The following TTC33 variants were observed in gnomAD, a reference collection of about 807,000 sequenced individuals.
TTC33 encodes the protein tetratricopeptide repeat protein 33.
A neutral mutation model predicts 29.4 loss-of-function variants in TTC33; 24 were observed. The ratio of observed to expected loss-of-function variants is 0.82; its 90% CI spans 0.59 to 1.15. The LOEUF (loss-of-function observed/expected upper bound fraction) is 1.15, where lower values mean the gene tolerates loss of function less well. Ranked by LOEUF, TTC33 falls within the 50% of genes most tolerant of loss-of-function variation. The pLI, the probability that TTC33 is intolerant of heterozygous loss-of-function variation, is 0.00. For synonymous variants in TTC33, 107 were observed against 100.3 expected (o/e 1.07, Z -0.40); for missense variants, 286 against 310.4 (o/e 0.92, Z 0.59).
At chr5:40,748,859 G>A (rs1274420556) in intron 1 of TTC33, among the ~76,000 whole-genome samples, 1 of 152,170 alleles carries the variant, frequency 6.6e-6, no homozygotes, top group Non-Finnish European at 1.5e-5. Flanking sequence ...TGCTGGCCGG[G>A]CACGGTGGCT....
intron 2 of TTC33, among the ~76,000 whole-genome samples, chr5:40,743,664 C>G (rs1432206858): frequency 6.6e-6 from 1 of 151,832 alleles, no homozygotes; most frequent in Non-Finnish European, 1.5e-5. Flanking sequence ...TCCCAGCTAC[C>G]TGGGAGGCTG....
intron 3 of TTC33, among the ~76,000 whole-genome samples, chr5:40,729,163 C>G (rs1742365101): frequency 6.6e-6 from 1 of 152,166 alleles, no homozygotes; most frequent in Non-Finnish European, 1.5e-5. Context: ...ACAAACCTGT[C>G]ATTCATATAT....
intron 1 of TTC33, among the ~76,000 whole-genome samples, chr5:40,750,724 A>G (rs1561156213): frequency 6.6e-6 from 1 of 152,214 alleles, no homozygotes; most frequent in Non-Finnish European, 1.5e-5. Flanking sequence ...CCACTGCTTT[A>G]TCAACTAAGT....
At chr5:40,734,147 A>G (rs1164752180) in intron 2 of TTC33, among the ~76,000 whole-genome samples, 2 of 152,316 alleles carry the variant, frequency 1.3e-5, no homozygotes, top group Admixed American at 6.5e-5. Flanking sequence ...TCATCAACTT[A>G]TTCAATTCTT....
At chr5:40,738,426 A>T (rs867947160) in intron 2 of TTC33, among the ~76,000 whole-genome samples, 310 of 148,732 alleles carry the variant, frequency 2.1e-3, no homozygotes, top group African/African-American at 7.5e-3. Flanking sequence ...AAAATAAAAT[A>T]AAATAAAATA....
chr5:40,753,529 C>T (rs538342804), intron 1 of TTC33, among the ~76,000 whole-genome samples: 2 of 151,842 alleles, frequency 1.3e-5, no homozygotes, highest in African/African-American at 4.8e-5. Flanking sequence ...CTCCCCAGGC[C>T]GATCATATTA....
At chr5:40,720,887 C>A (rs1579669720) in intron 4 of TTC33, among the ~76,000 whole-genome samples, 1 of 152,286 alleles carries the variant, frequency 6.6e-6, no homozygotes, top group South Asian at 2.1e-4. Context: ...GTGTCCAATG[C>A]CCCAACTTCT....
At chr5:40,748,825 T>A (rs1254637488) in intron 1 of TTC33, among the ~76,000 whole-genome samples, 1 of 152,216 alleles carries the variant, frequency 6.6e-6, no homozygotes, top group African/African-American at 2.4e-5. Context: ...CACAAAATTA[T>A]TGGGTAAATT....
At chr5:40,739,287 C>T (rs1489453366) in intron 2 of TTC33, among the ~76,000 whole-genome samples, 2 of 152,152 alleles carry the variant, frequency 1.3e-5, no homozygotes, top group Non-Finnish European at 1.5e-5. Flanking sequence ...TTATCTCAAA[C>T]GCAAGCTTGC....
chr5:40,739,718 G>A (rs186426694), intron 2 of TTC33, among the ~76,000 whole-genome samples: 13 of 152,280 alleles, frequency 8.5e-5, no homozygotes, highest in Non-Finnish European at 1.3e-4. Flanking sequence ...AGAACCGTGA[G>A]CCAATTAAAC....
intron 2 of TTC33, among the ~76,000 whole-genome samples, chr5:40,746,185 C>A: frequency 6.7e-6 from 1 of 149,856 alleles, no homozygotes. Context: ...TCTTAAAAAT[C>A]TAAGCAGAAA....
chr5:40,711,955 T>A lies in TTC33; in HGVS notation c.*4190A>T, dbSNP rs1177866214. Among the ~76,000 whole-genome samples the A allele has an allele frequency of 6.6e-6, 1 of 152,108 alleles. No homozygotes were observed. The highest frequency in any genetic ancestry group is 2.4e-5 in the African/African-American group (1 of 41,418). ...CTGCAAAAGGGCTTTAGAGAACTTTTTGGGTGATGGACACACACTATATCA... is the reference window on the plus strand; with the variant it reads ...CTGCAAAAGGGCTTTAGAGAACTTTATGGGTGATGGACACACACTATATCA... On this transcript the variant is annotated 3_prime_UTR_variant, in exon 5 of 5. Coordinates refer to ENST00000337702, the MANE Select transcript of TTC33 (RefSeq NM_012382.3).
intron 1 of TTC33, among the ~76,000 whole-genome samples, chr5:40,754,532 C>T (rs1161456784): frequency 1.3e-5 from 2 of 151,946 alleles, no homozygotes; most frequent in Admixed American, 1.3e-4. Context: ...GGAAAAGCAA[C>T]AAAGGAAAAA....
chr5:40,726,988 T>C (rs1269569771), intron 4 of TTC33, among the ~76,000 whole-genome samples: 1 of 152,166 alleles, frequency 6.6e-6, no homozygotes, highest in Non-Finnish European at 1.5e-5. Context: ...AAACAGTACT[T>C]GGTTAAAATG....
rs572492925 is a variant in TTC33, at chr5:40,738,323, G to A, written c.222-7980C>T. 5.9e-5 allele frequency among the ~76,000 whole-genome samples: 9 copies of A among 151,906 alleles called. 1 individual carries two copies. The highest frequency in any genetic ancestry group is 3.9e-4 in the East Asian group (2 of 5,174). ...CAGCTAGTCGGGAGTGCTGAGGCAG[G>A]AGAATTGCTTGAACCCGGGAGGTGG... On this transcript the variant is annotated intron_variant, in intron 2 of 4. Coordinates refer to ENST00000337702, the MANE Select transcript of TTC33 (RefSeq NM_012382.3).
intron 2 of TTC33, 86 bp from the exon 3 acceptor site, chr5:40,730,429 T>G: frequency 9.6e-7 from 1 of 1,045,816 alleles, no homozygotes. Context: ...TAGTAAAATA[T>G]AAAATTTACC....
In TTC33 at chr5:40,750,143, C is replaced by T. The variant is rs116169852; in HGVS notation, c.-1-3124G>A. On this transcript the variant is annotated intron_variant, in intron 1 of 4. Transcript: ENST00000337702. Reference sequence around the variant, plus strand: ...TTAAAAATATTTTATTGCTAAGAAACGCCAATGATCATCTGAACCTTCAGC... The same window carrying T: ...TTAAAAATATTTTATTGCTAAGAAATGCCAATGATCATCTGAACCTTCAGC... Among the ~76,000 whole-genome samples the T allele has an allele frequency of 4.2e-3, 632 of 150,704 alleles. 3 individuals carry two copies. The highest frequency in any genetic ancestry group is 0.015 in the African/African-American group (605 of 41,010).
chr5:40,730,995 G>A (rs180809560), intron 2 of TTC33, among the ~76,000 whole-genome samples: 59 of 152,290 alleles, frequency 3.9e-4, no homozygotes, highest in Non-Finnish European at 6.5e-4. Flanking sequence ...TCTAAAAGCA[G>A]TAACTATATC....
At chr5:40,739,020 GCCTTT>G (rs909506005) in intron 2 of TTC33, among the ~76,000 whole-genome samples, 1 of 152,088 alleles carries the variant, frequency 6.6e-6, no homozygotes, top group African/African-American at 2.4e-5. Flanking sequence ...TCTCAATTAA[GCCTTT>G]TAAAAACCAG....
Sources: allele counts gnomAD v4.1 joint callset (sites outside exome capture counted in the v4.1 genomes callset), GRCh38; gene constraint gnomAD v4.1.1; transcripts MANE v1.5; gene names NCBI Gene and HGNC (gene_info 2026-07-23, HGNC 2026-07-21).